The following ARMC3 variants were observed in gnomAD, a reference collection of about 807,000 sequenced individuals.
ARMC3 encodes the protein armadillo repeat-containing protein 3.
ARMC3 carries 74 observed loss-of-function variants against 90.3 expected under a neutral mutation model. That is an observed-to-expected ratio of 0.82 (90% CI 0.68 to 0.99). The LOEUF is 0.99. Among genes scored for constraint, ARMC3 ranks in the 50% least tolerant of loss-of-function variants. The probability of loss-of-function intolerance (pLI) is 0.00; values close to 1 mark genes in which losing one functional copy is unlikely to be tolerated. For missense variants in ARMC3, 958 were observed against 1,042.8 expected, an observed-to-expected ratio of 0.92 and a Z score of 1.12; for synonymous variants, 334 against 361.8, an observed-to-expected ratio of 0.92 and a Z score of 0.87.
intron 13 of ARMC3, among the ~76,000 whole-genome samples, chr10:23,003,942 T>C (rs1238103817): frequency 7.2e-5 from 11 of 151,886 alleles, no homozygotes; most frequent in Non-Finnish European, 1.0e-4. Flanking sequence ...GAGGCAGGAG[T>C]TCAAGATCAG....
At position 22,962,028 on chromosome 10, in the gene ARMC3, C is replaced by T. The variant is rs752782595; in HGVS notation, c.682C>T (p.Leu228=). 6.2e-7 allele frequency: 1 copy of T among 1,605,752 alleles called. No individual in the cohort carries two copies. ...IANDKESRTM[L]RDNQGLDHLI... is the part of the protein sequence containing the mutation. Reference sequence around the variant, plus strand: ...AAATGATAAGGAGTCTCGAACAATGCTAAGAGACAATCAAGGATTGGACCA... The same window carrying T: ...AAATGATAAGGAGTCTCGAACAATGTTAAGAGACAATCAAGGATTGGACCA... The change falls in exon 7 of 19, where the codon CTA becomes TTA. Residue 228 remains leucine, a synonymous_variant. Transcript: ENST00000298032.
Position 23,006,899 on chromosome 10 carries a change from A to G in ARMC3, c.1747A>G (p.Lys583Glu), listed in dbSNP as rs1487981073. 5 of 1,614,004 alleles carry G rather than the reference A, an allele frequency of 3.1e-6. No individual in the cohort carries two copies. In the East Asian group the frequency reaches 8.9e-5, roughly 29 times the overall value. The change falls in exon 14 of 19, where the codon AAA (lysine) becomes GAA (glutamate). Residue 583 changes from lysine to glutamate, a missense_variant. Physicochemically the swap from Lys to Glu is moderately conservative, Grantham distance 56. Coordinates refer to ENST00000298032, the MANE Select transcript of ARMC3 (RefSeq NM_173081.5). ...TATCTCACAGATAAATCCCGGCACC[A>G]AACTGTTGCCTTTGAAGGAGCTCTG... is the stretch of plus-strand genomic sequence containing the variant. ...YDYGRINPGT[K>E]LLPLKELCLQ...
chr10:23,030,513 A>G (rs1838880543), intron 16 of ARMC3, 83 bp from the exon 17 acceptor site: 1 of 1,515,242 alleles, frequency 6.6e-7, no homozygotes, highest in African/African-American at 1.4e-5. Context: ...TTTTTCTGTG[A>G]TGCTCTTTTC....
At chr10:22,984,669 T>A (rs1836334893) in intron 10 of ARMC3, among the ~76,000 whole-genome samples, 1 of 152,196 alleles carries the variant, frequency 6.6e-6, no homozygotes, top group African/African-American at 2.4e-5. Flanking sequence ...CATAGCCCTA[T>A]GTAGAAGATT....
intron 4 of ARMC3, among the ~76,000 whole-genome samples, chr10:22,956,770 CAATATATT>C (rs905550338): frequency 6.8e-6 from 1 of 146,460 alleles, no homozygotes; most frequent in African/African-American, 2.5e-5. Context: ...CAATTAATAT[CAATATATT>C]AATATATTAG....
At chr10:23,018,195 C>T (rs1396462796) in intron 16 of ARMC3, among the ~76,000 whole-genome samples, 1 of 152,200 alleles carries the variant, frequency 6.6e-6, no homozygotes, top group Non-Finnish European at 1.5e-5. Context: ...TACTCAAAGT[C>T]CCACCCAGGC....
At chr10:23,012,676 A>G (rs1405844466) in intron 16 of ARMC3, among the ~76,000 whole-genome samples, 1 of 152,008 alleles carries the variant, frequency 6.6e-6, no homozygotes, top group African/African-American at 2.4e-5. Flanking sequence ...TTTATCCCCA[A>G]TATGGAATGA....
intron 13 of ARMC3, among the ~76,000 whole-genome samples, chr10:23,003,680 G>C (rs895915480): frequency 3.3e-5 from 5 of 152,118 alleles, no homozygotes; most frequent in African/African-American, 9.7e-5. Flanking sequence ...GAAGAGCTGG[G>C]TGGGCCTGGT....
At chr10:23,029,076 C>T (rs1363130129) in intron 16 of ARMC3, among the ~76,000 whole-genome samples, 1 of 152,114 alleles carries the variant, frequency 6.6e-6, no homozygotes, top group Non-Finnish European at 1.5e-5. Flanking sequence ...CCTAGTGCCA[C>T]CAGTGCCACC....
At chr10:23,027,612 T>C (rs1274996777) in intron 16 of ARMC3, among the ~76,000 whole-genome samples, 1 of 152,222 alleles carries the variant, frequency 6.6e-6, no homozygotes, top group East Asian at 1.9e-4. Flanking sequence ...TTGATGTATC[T>C]GAGAGTAGAT....
intron 8 of ARMC3, among the ~76,000 whole-genome samples, chr10:22,973,338 C>T (rs185155882): frequency 1.1e-3 from 163 of 145,106 alleles, no homozygotes; most frequent in African/African-American, 4.0e-3. Context: ...AATAATAAAT[C>T]CTAACATCTT....
intron 2 of ARMC3, among the ~76,000 whole-genome samples, chr10:22,945,813 G>A (rs1834503252): frequency 6.6e-6 from 1 of 152,098 alleles, no homozygotes; most frequent in South Asian, 2.1e-4. Context: ...GTACCTTTGA[G>A]ATAGGTACTA....
intron 10 of ARMC3, among the ~76,000 whole-genome samples, chr10:22,983,421 G>C (rs934831888): frequency 6.6e-6 from 1 of 152,144 alleles, no homozygotes; most frequent in Non-Finnish European, 1.5e-5. Context: ...AGAAAGGTCA[G>C]TCAGGACTAA....
chr10:23,002,543 C>A (rs1837345213), intron 12 of ARMC3, among the ~76,000 whole-genome samples: 1 of 142,476 alleles, frequency 7.0e-6, no homozygotes, highest in Non-Finnish European at 1.5e-5. Context: ...AGTTTCATTT[C>A]TTTTCTCTTT....
At position 22,979,982 on chromosome 10, in the gene ARMC3, T is replaced by C. The variant is rs369446750; in HGVS notation, c.917-1358T>C. ...CAAAGGCCAAAAGTATTTGCAAATA[T>C]GGTGCCATCTAAACGTGATACTGCT... On this transcript the variant is annotated intron_variant, in intron 8 of 18. Transcript: ENST00000298032. Among the ~76,000 whole-genome samples, 24 of 152,260 alleles carry C rather than the reference T, an allele frequency of 1.6e-4. No homozygotes were observed. The East Asian group carries it at 4.4e-3, about 28-fold the overall frequency.
chr10:23,014,048 T>C, intron 16 of ARMC3: 1 of 1,534,754 alleles, frequency 6.5e-7, no homozygotes, highest in Non-Finnish European at 8.8e-7. Flanking sequence ...AGAATAATTA[T>C]TCCTTCTTTG....
Position 23,003,006 on chromosome 10 carries a change from T to C in ARMC3, c.1563-240T>C, listed in dbSNP as rs149421062. On this transcript the variant is annotated intron_variant, in intron 12 of 18. Coordinates refer to ENST00000298032, the MANE Select transcript of ARMC3 (RefSeq NM_173081.5). ...TTTGTTTTTAGATGAACAAAGAACTTTTTCCCCCAAAAGCATCCTTTTCCC... is the reference window on the plus strand; with the variant it reads ...TTTGTTTTTAGATGAACAAAGAACTCTTTCCCCCAAAAGCATCCTTTTCCC... Among the ~76,000 whole-genome samples, 600 of 152,320 alleles carry C rather than the reference T, an allele frequency of 3.9e-3. 8 individuals carry two copies. Among genetic ancestry groups the C allele is most frequent in the African/African-American group, 0.013 (529 of 41,568 alleles).
At chr10:22,932,492 C>T (rs1030846785) in intron 2 of ARMC3, among the ~76,000 whole-genome samples, 5 of 152,164 alleles carry the variant, frequency 3.3e-5, no homozygotes, top group South Asian at 2.1e-4. Flanking sequence ...CCAGTTCTAT[C>T]GAGAGACTAG....
intron 16 of ARMC3, among the ~76,000 whole-genome samples, chr10:23,016,313 T>C (rs574055391): frequency 3.9e-5 from 6 of 152,352 alleles, no homozygotes; most frequent in Admixed American, 2.0e-4. Context: ...TGTATTTCAA[T>C]AGTTGATGGT....
Sources: gnomAD v4.1 joint callset for allele counts (sites outside exome capture counted in the v4.1 genomes callset) on GRCh38, gnomAD v4.1.1 for gene constraint, MANE v1.5 for transcripts, NCBI Gene and HGNC (gene_info 2026-07-23, HGNC 2026-07-21) for gene names.